PLEKHG7: variants seen among roughly 807,000 people sequenced by gnomAD.
PLEKHG7 encodes the protein pleckstrin homology domain-containing family G member 7.
PLEKHG7 carries 77 observed loss-of-function variants against 85.2 expected under a neutral mutation model. That is an observed-to-expected ratio of 0.90 (90% CI 0.75 to 1.09). The LOEUF is 1.09. Among genes scored for constraint, PLEKHG7 ranks in the 50% least tolerant of loss-of-function variants. The pLI is 0.00. For missense variants in PLEKHG7, 777 were observed against 804.3 expected (o/e 0.97, Z 0.41); for synonymous variants, 301 against 302.4 (o/e 1.00, Z 0.05).
chr12:92,752,287 C>T (rs1280515304), intron 10 of PLEKHG7, among the ~76,000 whole-genome samples: 4 of 152,138 alleles, frequency 2.6e-5, no homozygotes, highest in East Asian at 1.9e-4. Context: ...AAAATAAATA[C>T]GTATACTCAC....
chr12:92,763,643 C>T (rs1292683799), intron 14 of PLEKHG7, among the ~76,000 whole-genome samples: 1 of 151,750 alleles, frequency 6.6e-6, no homozygotes, highest in South Asian at 2.1e-4. Flanking sequence ...AGTGAGATCC[C>T]ATCTCTACAA....
chr12:92,718,139 C>T (rs897144461), intron 3 of PLEKHG7, among the ~76,000 whole-genome samples: 1 of 152,152 alleles, frequency 6.6e-6, no homozygotes, highest in Non-Finnish European at 1.5e-5. Context: ...AACTGTAGAA[C>T]ATACTAGAGG....
intron 3 of PLEKHG7, among the ~76,000 whole-genome samples, chr12:92,720,854 A>C (rs1479549496): frequency 6.6e-6 from 1 of 152,222 alleles, no homozygotes; most frequent in Non-Finnish European, 1.5e-5. Context: ...AGTAGCCATC[A>C]TCACATCATT....
intron 9 of PLEKHG7, 50 bp downstream of exon 9, chr12:92,741,642 TC>T: frequency 2.8e-6 from 4 of 1,416,480 alleles, no homozygotes; most frequent in African/African-American, 1.4e-5. Flanking sequence ...ATCACCCACC[TC>T]CCAGGACAGT....
Position 92,756,730 on chromosome 12 carries a change from A to G in PLEKHG7, c.1636+339A>G, listed in dbSNP as rs183833146. ...TCATCATAATCGTTGTACTCCCCCA[A>G]TGAGCCAGACAATCAAGCTCTCAAA... On this transcript the variant is annotated intron_variant, in intron 13 of 16. Coordinates refer to ENST00000344636, the MANE Select transcript of PLEKHG7 (RefSeq NM_001377329.1). 2.4e-3 allele frequency among the ~76,000 whole-genome samples: 363 copies of G among 152,326 alleles called. 4 individuals carry two copies. The highest frequency in any genetic ancestry group is 8.2e-3 in the African/African-American group (342 of 41,574).
At chr12:92,762,636 A>AATT (rs1354942776) in intron 14 of PLEKHG7, among the ~76,000 whole-genome samples, 1 of 152,168 alleles carries the variant, frequency 6.6e-6, no homozygotes, top group Non-Finnish European at 1.5e-5. Flanking sequence ...CAAGTAGAGA[A>AATT]GTTTATCTAA....
Position 92,769,057 on chromosome 12 carries a change from C to A in PLEKHG7, c.1945C>A (p.Gln649Lys), listed in dbSNP as rs1239886308. Residue 649 changes from glutamine (Q) to lysine (K), a missense_variant, in exon 16 of 17, where the codon CAA (glutamine) becomes AAA (lysine). Coordinates refer to ENST00000344636, the MANE Select transcript of PLEKHG7 (RefSeq NM_001377329.1). The stretch of plus-strand genomic sequence containing the variant: ...ACAGTGTATAGCAGCATTCTTATTA[C>A]AAGCCCAAACGGAAAACATCAAAGT... ...YRQCIAAFLL[Q>K]AQTENIKKTW... is the part of the protein sequence containing the mutation. 6.3e-7 allele frequency: 1 copy of A among 1,593,702 alleles called. No individual in the cohort carries two copies. The highest frequency in any genetic ancestry group is 1.1e-5 in the South Asian group (1 of 89,794).
chr12:92,724,077 G>T (rs1223825258), intron 3 of PLEKHG7, among the ~76,000 whole-genome samples: 1 of 151,972 alleles, frequency 6.6e-6, no homozygotes, highest in Non-Finnish European at 1.5e-5. Context: ...TTTATCAAGA[G>T]ACCTATATAG....
At chr12:92,758,254 G>C (rs1872890983) in intron 13 of PLEKHG7, among the ~76,000 whole-genome samples, 1 of 152,162 alleles carries the variant, frequency 6.6e-6, no homozygotes, top group Non-Finnish European at 1.5e-5. Flanking sequence ...AGATGCACCA[G>C]CTTCTCCTAA....
intron 5 of PLEKHG7, among the ~76,000 whole-genome samples, chr12:92,734,445 T>G (rs935306381): frequency 2.6e-5 from 4 of 152,246 alleles, no homozygotes; most frequent in African/African-American, 9.6e-5. Flanking sequence ...ACATGTGAAC[T>G]CATAAATTCT....
chr12:92,706,833 G>A lies in PLEKHG7; in HGVS notation c.202G>A (p.Val68Met), dbSNP rs754920308. The stretch of plus-strand genomic sequence containing the variant: ...TGGGACAAGGCAGGATGCCTGGCAG[G>A]TGACCACCTGGGGAAGCTGGGGAGC... ...GCGTRQDAWQ[V>M]TTWGSWGAPV... Residue 68 changes from valine (V) to methionine (M), a missense_variant, in exon 2 of 17, where the codon GTG becomes ATG. Coordinates refer to ENST00000344636, the MANE Select transcript of PLEKHG7 (RefSeq NM_001377329.1). The A allele has an allele frequency of 2.5e-6, 4 of 1,613,828 alleles. No homozygotes were observed. Among genetic ancestry groups the A allele is most frequent in the Admixed American group, 3.3e-5 (2 of 60,002 alleles).
At chr12:92,722,383 T>C (rs1592675714) in intron 3 of PLEKHG7, among the ~76,000 whole-genome samples, 2 of 152,164 alleles carry the variant, frequency 1.3e-5, no homozygotes, top group Non-Finnish European at 2.9e-5. Context: ...ACAATGGTGG[T>C]TCTTGATATT....
intron 11 of PLEKHG7, among the ~76,000 whole-genome samples, chr12:92,754,610 G>A (rs570287760): frequency 6.6e-6 from 1 of 152,142 alleles, no homozygotes; most frequent in Non-Finnish European, 1.5e-5. Context: ...AAAGCAAATG[G>A]GAGTAAACAC....
At chr12:92,717,264 A>G (rs957712666) in intron 3 of PLEKHG7, among the ~76,000 whole-genome samples, 2 of 152,256 alleles carry the variant, frequency 1.3e-5, no homozygotes, top group African/African-American at 2.4e-5. Flanking sequence ...ATGAAAGCCA[A>G]CTGATGAGAT....
At chr12:92,754,398 T>C in intron 11 of PLEKHG7, 134 bp downstream of exon 11, 1 of 807,800 alleles carries the variant, frequency 1.2e-6, no homozygotes, top group Non-Finnish European at 1.9e-6. Context: ...GGTTCAAGTG[T>C]GAGTGCATTG....
intron 3 of PLEKHG7, among the ~76,000 whole-genome samples, chr12:92,724,883 T>C (rs560693031): frequency 6.6e-6 from 1 of 152,244 alleles, no homozygotes; most frequent in African/African-American, 2.4e-5. Context: ...AAGCAGGGTT[T>C]TAATAGCAAG....
intron 3 of PLEKHG7, among the ~76,000 whole-genome samples, chr12:92,725,973 G>T (rs1371356375): frequency 6.6e-6 from 1 of 152,120 alleles, no homozygotes; most frequent in East Asian, 1.9e-4. Flanking sequence ...GGGACTTGGG[G>T]ATGAGTATTT....
chr12:92,764,745 C>A (rs1873141006), intron 15 of PLEKHG7, among the ~76,000 whole-genome samples: 2 of 151,958 alleles, frequency 1.3e-5, no homozygotes, highest in African/African-American at 4.8e-5. Context: ...TCAAGTATTT[C>A]TTGAGTTATC....
In PLEKHG7 at chr12:92,732,202, G is replaced by A. The variant is rs572287976; in HGVS notation, c.659-31G>A. On this transcript the variant is annotated intron_variant, in intron 4 of 16. Coordinates refer to ENST00000344636, the MANE Select transcript of PLEKHG7 (RefSeq NM_001377329.1). ...CTGTCGCTAGTTACTCTAAGTACTC[G>A]TAATAATATATTGTCTTTAATTTCA... is the stretch of plus-strand genomic sequence containing the variant. 35 of 1,213,482 alleles carry A rather than the reference G, an allele frequency of 2.9e-5. No individual in the cohort carries two copies. In the East Asian group the frequency reaches 4.1e-4, roughly 14 times the overall value. 75.2% of individuals were successfully genotyped at this position (1,213,482 alleles called of 1,614,324 possible).
Sources: allele counts gnomAD v4.1 joint callset (sites outside exome capture counted in the v4.1 genomes callset), GRCh38; gene constraint gnomAD v4.1.1; transcripts MANE v1.5; gene names NCBI Gene and HGNC (gene_info 2026-07-23, HGNC 2026-07-21).